PALM2AKAP2: variants seen among roughly 807,000 people sequenced by gnomAD.
PALM2AKAP2 encodes the protein PALM2 and AKAP2 fusion, also known as PALM2-AKAP2 fusion protein.
A neutral mutation model predicts 71.5 loss-of-function variants in PALM2AKAP2; 37 were observed. That is an observed-to-expected ratio of 0.52 (90% CI 0.40 to 0.68). The LOEUF (loss-of-function observed/expected upper bound fraction) is 0.68. PALM2AKAP2 is among the 30% of genes least tolerant of loss of function. PALM2AKAP2 has a pLI of 0.00. For missense variants in PALM2AKAP2, 1,224 were observed against 1,191.8 expected (o/e 1.03, Z -0.40); for synonymous variants, 468 against 478.8 (o/e 0.98, Z 0.29).
At chr9:109,977,604 G>A (rs1239583193) in intron 6 of PALM2AKAP2, among the ~76,000 whole-genome samples, 1 of 152,168 alleles carries the variant, frequency 6.6e-6, no homozygotes, top group Non-Finnish European at 1.5e-5. Flanking sequence ...GTATTAGTCA[G>A]GAGTCTTTGG....
intron 3 of PALM2AKAP2, among the ~76,000 whole-genome samples, chr9:109,902,211 A>G (rs1830345676): frequency 6.6e-6 from 1 of 152,206 alleles, no homozygotes; most frequent in South Asian, 2.1e-4. Flanking sequence ...AATCAATGAT[A>G]TGTATCTCAT....
At chr9:110,144,377 C>T (rs1026618624) in intron 2 of PALM2AKAP2, among the ~76,000 whole-genome samples, 4 of 152,202 alleles carry the variant, frequency 2.6e-5, no homozygotes, top group African/African-American at 9.7e-5. Flanking sequence ...CTAGAACATT[C>T]TCTGGTTACA....
intron 1 of PALM2AKAP2, among the ~76,000 whole-genome samples, chr9:109,644,596 A>T (rs535766736): frequency 6.6e-6 from 1 of 152,232 alleles, no homozygotes; most frequent in African/African-American, 2.4e-5. Context: ...TTTCTTTTCT[A>T]TCACATTGTC....
chr9:110,072,912 G>A (rs1245753408), intron 1 of PALM2AKAP2, among the ~76,000 whole-genome samples: 1 of 152,052 alleles, frequency 6.6e-6, no homozygotes, highest in South Asian at 2.1e-4. Flanking sequence ...GGTTAACTTT[G>A]CACGTGACCA....
chr9:109,905,214 C>A (rs571238322), intron 3 of PALM2AKAP2, among the ~76,000 whole-genome samples: 1 of 152,314 alleles, frequency 6.6e-6, no homozygotes, highest in Non-Finnish European at 1.5e-5. Flanking sequence ...TTGTCTCCAA[C>A]TCCCATAATA....
intron 1 of PALM2AKAP2, among the ~76,000 whole-genome samples, chr9:110,064,956 C>T (rs1834045550): frequency 6.6e-6 from 1 of 152,210 alleles, no homozygotes; most frequent in African/African-American, 2.4e-5. Flanking sequence ...TTTCCTCTTG[C>T]TTCCACAGCT....
At chr9:110,137,479 G>A (rs752093371) in exon 2 of PALM2AKAP2, 5 of 1,614,044 alleles carry the variant, frequency 3.1e-6, no homozygotes, top group Non-Finnish European at 4.2e-6. Flanking sequence ...CTCAGGGGAA[G>A]GAAGGGCCCT....
intron 1 of PALM2AKAP2, among the ~76,000 whole-genome samples, chr9:109,659,214 C>G (rs1382304175): frequency 2.0e-5 from 3 of 152,108 alleles, no homozygotes; most frequent in Non-Finnish European, 4.4e-5. Context: ...TTTTAAACAG[C>G]TTTTTTGAGA....
intron 1 of PALM2AKAP2, among the ~76,000 whole-genome samples, chr9:109,720,164 T>A (rs9408821): frequency 0.15 from 22,305 of 152,056 alleles, 2,050 homozygotes; most frequent in Non-Finnish European, 0.21. Flanking sequence ...AATTTTTGTA[T>A]TTTTAGTAGA....
rs553373894 is a variant in PALM2AKAP2, at chr9:110,042,128, T to G, written c.582+26089T>G. On this transcript the variant is annotated intron_variant, in intron 7 of 9. Transcript: ENST00000302798. ...GGATGTGCATTCCGAAAGTTGATGG[T>G]TAAAATAGTCTATGGGGGCCGGATG... Among the ~76,000 whole-genome samples the G allele has an allele frequency of 4.6e-5, 7 of 152,212 alleles. No homozygotes were observed. In the South Asian group the frequency reaches 1.5e-3, roughly 32 times the overall value.
chr9:109,768,005 G>GGAGAGAGGGAGAA (rs1456974965), intron 1 of PALM2AKAP2, among the ~76,000 whole-genome samples: 14,622 of 109,246 alleles, frequency 0.13, 1,918 homozygotes, highest in African/African-American at 0.29. Context: ...GCAAAGGCAG[G>GGAGAGAGGGAGAA]TAGGTAGGAA....
chr9:109,795,206 A>T (rs1329883476), intron 1 of PALM2AKAP2, among the ~76,000 whole-genome samples: 1 of 152,214 alleles, frequency 6.6e-6, no homozygotes, highest in East Asian at 1.9e-4. Flanking sequence ...GTGACAATCA[A>T]GAAGGTCTCC....
chr9:110,003,592 T>C (rs1202343198), intron 6 of PALM2AKAP2, among the ~76,000 whole-genome samples: 1 of 152,142 alleles, frequency 6.6e-6, no homozygotes, highest in Admixed American at 6.5e-5. Context: ...CCTTGTTAAC[T>C]TTCTGTCTCG....
intron 7 of PALM2AKAP2, among the ~76,000 whole-genome samples, chr9:110,019,758 A>G (rs994691052): frequency 2.6e-5 from 4 of 152,200 alleles, no homozygotes; most frequent in Non-Finnish European, 5.9e-5. Flanking sequence ...GGGCATAAAG[A>G]TGGAAACAGT....
At chr9:109,781,386 A>AT (rs1242002147) in intron 1 of PALM2AKAP2, among the ~76,000 whole-genome samples, 18 of 152,342 alleles carry the variant, frequency 1.2e-4, no homozygotes, top group Non-Finnish European at 2.4e-4. Flanking sequence ...CTGCTGCCGT[A>AT]TGAAATAGTA....
At chr9:110,111,048 A>C (rs1429582020) in intron 1 of PALM2AKAP2, among the ~76,000 whole-genome samples, 2 of 150,658 alleles carry the variant, frequency 1.3e-5, no homozygotes, top group Admixed American at 6.6e-5. Context: ...TGAAATCAAG[A>C]AGCATTTTTT....
chr9:110,003,939 G>T (rs1238981441), intron 6 of PALM2AKAP2, among the ~76,000 whole-genome samples: 1 of 152,132 alleles, frequency 6.6e-6, no homozygotes, highest in Non-Finnish European at 1.5e-5. Context: ...ACATGAGGTA[G>T]GTTTCCTGAA....
At chr9:109,835,244 G>A (rs1828431107) in intron 1 of PALM2AKAP2, among the ~76,000 whole-genome samples, 1 of 139,910 alleles carries the variant, frequency 7.1e-6, no homozygotes, top group Non-Finnish European at 1.6e-5. Context: ...TTTAGGGAAA[G>A]AGGAGAGGGT....
At chr9:109,976,568 G>A (rs1832176158) in intron 6 of PALM2AKAP2, among the ~76,000 whole-genome samples, 2 of 152,300 alleles carry the variant, frequency 1.3e-5, no homozygotes, top group African/African-American at 2.4e-5. Context: ...CTAGGTTGCT[G>A]TAGTGTTTCA....
Sources: gnomAD v4.1 joint callset for allele counts (sites outside exome capture counted in the v4.1 genomes callset) on GRCh38, gnomAD v4.1.1 for gene constraint, MANE v1.5 for transcripts, NCBI Gene and HGNC (gene_info 2026-07-23, HGNC 2026-07-21) for gene names.